The following LCLAT1 variants were observed in gnomAD, a reference collection of about 807,000 sequenced individuals.
The protein encoded by LCLAT1 is 1-AGP acyltransferase 8.
LCLAT1 carries 11 observed loss-of-function variants against 30.7 expected under a neutral mutation model. The ratio of observed to expected loss-of-function variants is 0.36; its 90% confidence interval spans 0.23 to 0.59. The LOEUF is 0.59. LCLAT1 is among the 20% of genes least tolerant of loss of function. The pLI is 0.77. For missense variants in LCLAT1, 402 were observed against 458.6 expected (o/e 0.88, Z 1.13); for synonymous variants, 155 against 151.3 (o/e 1.02, Z -0.18).
At chr2:30,550,267 T>C (rs1176836228) in intron 3 of LCLAT1, among the ~76,000 whole-genome samples, 8 of 152,242 alleles carry the variant, frequency 5.3e-5, no homozygotes, top group African/African-American at 1.9e-4. Flanking sequence ...GTTAACATCT[T>C]ATATGGTATA....
At chr2:30,529,667 C>G (rs1685894904) in intron 2 of LCLAT1, among the ~76,000 whole-genome samples, 1 of 152,148 alleles carries the variant, frequency 6.6e-6, no homozygotes, top group Non-Finnish European at 1.5e-5. Flanking sequence ...ACTGTCTACC[C>G]AGGGCACAAG....
intron 1 of LCLAT1, chr2:30,476,370 G>C: frequency 2.2e-6 from 1 of 456,598 alleles, no homozygotes; most frequent in South Asian, 1.5e-5. Context: ...TGAATGGCAG[G>C]ACAGCAATCA....
At chr2:30,634,277 G>A (rs922105842) in intron 5 of LCLAT1, among the ~76,000 whole-genome samples, 6 of 152,098 alleles carry the variant, frequency 3.9e-5, no homozygotes, top group East Asian at 3.8e-4. Context: ...GAACGAACCC[G>A]TTTTCTAAAG....
At position 30,562,682 on chromosome 2, in the gene LCLAT1, C is replaced by T. The variant is rs17009749; in HGVS notation, c.511+390C>T. Among the ~76,000 whole-genome samples, 1,505 of 152,124 alleles carry T rather than the reference C, an allele frequency of 9.9e-3. 19 individuals are homozygous for T. Among genetic ancestry groups the T allele is most frequent in the African/African-American group, 0.034 (1,417 of 41,466 alleles). On this transcript the variant is annotated intron_variant, in intron 4 of 5. Transcript: ENST00000379509. ...CATCTTTGAACTTTATATTTTAAGC[C>T]TCAGAATATATTTTAAAATATCAGG...
Position 30,568,024 on chromosome 2 carries a change from A to T in LCLAT1, c.512-36A>T, listed in dbSNP as rs775264559. 23 of 1,072,736 alleles carry T rather than the reference A, an allele frequency of 2.1e-5. No homozygotes were observed. In the South Asian group the frequency reaches 2.5e-4, roughly 12 times the overall value. 66.5% of individuals were successfully genotyped at this position (1,072,736 alleles called of 1,614,324 possible). ...TTCCTTACCTTGTTTATTTCCCTTT[A>T]GTTTATGATTTATAATGGTCCATTG... On this transcript the variant is annotated intron_variant, in intron 4 of 5. Coordinates refer to ENST00000379509, the MANE Select transcript of LCLAT1 (RefSeq NM_001002257.3).
chr2:30,580,113 C>A (rs1300527268), intron 5 of LCLAT1, among the ~76,000 whole-genome samples: 1 of 152,014 alleles, frequency 6.6e-6, no homozygotes, highest in Admixed American at 6.6e-5. Context: ...GTGATTCATC[C>A]CAATTACAAA....
Position 30,621,680 on chromosome 2 carries a change from T to C in LCLAT1, c.629-18437T>C, listed in dbSNP as rs149374073. Among the ~76,000 whole-genome samples, 3 of 152,186 alleles carry C rather than the reference T, an allele frequency of 2.0e-5. No homozygotes were observed. The East Asian group carries it at 5.8e-4, about 29-fold the overall frequency. On this transcript the variant is annotated intron_variant, in intron 5 of 5. Coordinates refer to ENST00000379509, the MANE Select transcript of LCLAT1 (RefSeq NM_001002257.3). The stretch of plus-strand genomic sequence containing the variant: ...CTTGTGAGATGGATTTGACCTTACC[T>C]GGAGCTGAGATGAATTTAAGAGAGC...
intron 1 of LCLAT1, among the ~76,000 whole-genome samples, chr2:30,507,040 A>G (rs1315545655): frequency 3.3e-5 from 5 of 152,136 alleles, no homozygotes; most frequent in African/African-American, 1.2e-4. Flanking sequence ...AAATATTTCT[A>G]TTTTTATTGC....
In LCLAT1 at chr2:30,502,282, C is replaced by A. The variant is rs755343494; in HGVS notation, c.-4-23305C>A. ...GGTATTCTTACAATTTCTCTTTTTC[C>A]TTTGGCATTCATGACTTCCAGGGCA... On this transcript the variant is annotated intron_variant, in intron 1 of 5. Transcript: ENST00000379509. 2.0e-5 allele frequency among the ~76,000 whole-genome samples: 3 copies of A among 152,014 alleles called. No homozygotes were observed. In the East Asian group the frequency reaches 5.8e-4, roughly 29 times the overall value.
At chr2:30,617,030 C>T (rs1480438649) in intron 5 of LCLAT1, among the ~76,000 whole-genome samples, 1 of 152,056 alleles carries the variant, frequency 6.6e-6, no homozygotes, top group Admixed American at 6.6e-5. Flanking sequence ...CTTAAAAAAA[C>T]AGCTTTTAGA....
In LCLAT1 at chr2:30,643,292, GTTTA is replaced by G. The variant is rs1447488949; in HGVS notation, c.*2679_*2682del. 4 of 102,000 alleles carry G rather than the reference GTTTA, an allele frequency of 3.9e-5. No individual in the cohort carries two copies. The East Asian group carries it at 1.1e-3, about 29-fold the overall frequency. 6.3% of individuals were successfully genotyped at this position (102,000 alleles called of 1,614,324 possible). ...TCTGAACGATGTTAAAGCAAGTGTG[GTTTA>G]TTTATGGCATGAACCATGTAACTTG... On this transcript the variant is annotated 3_prime_UTR_variant, in exon 6 of 6. Transcript: ENST00000379509.
At chr2:30,528,299 CA>C (rs1261566365) in intron 2 of LCLAT1, among the ~76,000 whole-genome samples, 1 of 152,102 alleles carries the variant, frequency 6.6e-6, no homozygotes, top group African/African-American at 2.4e-5. Context: ...GACAAGTTAC[CA>C]AACAAATTCT....
At chr2:30,623,210 C>T (rs887839584) in intron 5 of LCLAT1, among the ~76,000 whole-genome samples, 7 of 151,912 alleles carry the variant, frequency 4.6e-5, no homozygotes, top group African/African-American at 1.2e-4. Context: ...CCTGTCACCA[C>T]GCCCAGCTAA....
chr2:30,534,097 C>T (rs750602604), intron 3 of LCLAT1, among the ~76,000 whole-genome samples: 4 of 152,116 alleles, frequency 2.6e-5, no homozygotes, highest in Non-Finnish European at 5.9e-5. Flanking sequence ...AAACTATGTA[C>T]CCTCTTAAAC....
chr2:30,568,609 G>T (rs1256452881), intron 5 of LCLAT1, among the ~76,000 whole-genome samples: 1 of 144,574 alleles, frequency 6.9e-6, no homozygotes, highest in Non-Finnish European at 1.5e-5. Context: ...CCAGGTTCCC[G>T]CCATTCCCCT....
At chr2:30,559,842 A>G (rs1213454184) in intron 3 of LCLAT1, among the ~76,000 whole-genome samples, 3 of 152,222 alleles carry the variant, frequency 2.0e-5, no homozygotes, top group Non-Finnish European at 4.4e-5. Flanking sequence ...CTTTTGTTAC[A>G]TTTTACAATC....
chr2:30,530,690 C>T (rs895448825), intron 2 of LCLAT1, among the ~76,000 whole-genome samples: 1 of 152,082 alleles, frequency 6.6e-6, no homozygotes, highest in African/African-American at 2.4e-5. Flanking sequence ...AGGCTCTGGG[C>T]ATGTTCCACA....
intron 1 of LCLAT1, among the ~76,000 whole-genome samples, chr2:30,497,810 G>A (rs1684191746): frequency 6.6e-6 from 1 of 152,070 alleles, no homozygotes; most frequent in Admixed American, 6.5e-5. Context: ...CAATAACTTA[G>A]GGTATTCATA....
chr2:30,485,049 A>G (rs1683497648), intron 1 of LCLAT1, among the ~76,000 whole-genome samples: 1 of 152,162 alleles, frequency 6.6e-6, no homozygotes, highest in Non-Finnish European at 1.5e-5. Flanking sequence ...AGACTGCTAT[A>G]TGGTACTAAT....
Sources: gnomAD v4.1 joint callset for allele counts (sites outside exome capture counted in the v4.1 genomes callset) on GRCh38, gnomAD v4.1.1 for gene constraint, MANE v1.5 for transcripts, NCBI Gene and HGNC (gene_info 2026-07-23, HGNC 2026-07-21) for gene names.